The following MXD3 variants were observed in gnomAD, a reference collection of about 807,000 sequenced individuals.
MXD3 encodes MAX dimerization protein 3, also known as Max-associated protein 3.
MXD3 carries 20 observed loss-of-function variants against 27.5 expected under a neutral mutation model. That is an observed-to-expected ratio of 0.73 (90% CI 0.51 to 1.06). The LOEUF (loss-of-function observed/expected upper bound fraction) is 1.06, where lower values mean the gene tolerates loss of function less well. Ranked by LOEUF, MXD3 falls within the 50% of genes least tolerant of loss-of-function variation. MXD3 has a pLI of 0.00. For synonymous variants in MXD3, 150 were observed against 130.7 expected (o/e 1.15, Z -1.01); for missense variants, 298 against 291.3 (o/e 1.02, Z -0.17).
rs1561594372 is a variant in MXD3, at chr5:177,307,626, CCTGGCCGGCGACGAA to C, written c.568_582del (p.Phe190_Gln194del). On this transcript the variant is annotated inframe_deletion, in exon 6 of 6. Transcript: ENST00000439742. Reference sequence around the variant, plus strand: ...CCGCCGCCGTGCGAGTAGCTGTGCTCCTGGCCGGCGACGAAGCCCCGCAGCAGCTCGGCCTCACCC... The same window carrying C: ...CCGCCGCCGTGCGAGTAGCTGTGCTCGCCCCGCAGCAGCTCGGCCTCACCC... The C allele has an allele frequency of 6.2e-7, 1 of 1,613,274 alleles. No homozygotes were observed. Among genetic ancestry groups the C allele is most frequent in the East Asian group, 2.2e-5 (1 of 44,884 alleles).
chr5:177,307,203 C>T (rs1034752133), downstream of MXD3: 112 of 1,551,382 alleles, frequency 7.2e-5, no homozygotes, highest in Non-Finnish European at 9.1e-5. Flanking sequence ...AGACTATGGA[C>T]GGGAAGTTAT....
In MXD3 at chr5:177,310,476, C is replaced by A; in HGVS notation, c.271G>T (p.Ala91Ser). ...AGCAGGCTCAGCGTGGTGTACCGGG[C>A]ACAGTCGGCCCCCAGGGGCATCTGC... ...KQQMPLGADC[A>S]RYTTLSLLRR... The change falls in exon 4 of 6, where the codon GCC becomes TCC. Residue 91 changes from alanine (A) to serine (S), a missense_variant. Physicochemically the swap from Ala to Ser is moderately conservative, Grantham distance 99 (BLOSUM62 1). Coordinates refer to ENST00000439742, the MANE Select transcript of MXD3 (RefSeq NM_031300.4). 6.2e-7 allele frequency: 1 copy of A among 1,613,228 alleles called. No individual in the cohort carries two copies. Among genetic ancestry groups the A allele is most frequent in the Non-Finnish European group, 8.5e-7 (1 of 1,179,762 alleles).
chr5:177,311,848 G>T lies in MXD3; in HGVS notation c.-18C>A. ...GGTTCCATGTCGGCGACAGCTGGCG[G>T]CGGGCCGGCCTAGGGTGCCGGCCGG... On this transcript the variant is annotated 5_prime_UTR_variant, in exon 1 of 6. Coordinates refer to ENST00000439742, the MANE Select transcript of MXD3 (RefSeq NM_031300.4). 6.2e-7 allele frequency: 1 copy of T among 1,609,262 alleles called. No individual in the cohort carries two copies. The highest frequency in any genetic ancestry group is 8.5e-7 in the Non-Finnish European group (1 of 1,177,758).
chr5:177,305,992 G>T (rs778111990), downstream of MXD3: 6 of 1,612,756 alleles, frequency 3.7e-6, no homozygotes, highest in East Asian at 1.1e-4. Context: ...CAGGTGAGCA[G>T]TGTTGTTGGG....
At chr5:177,312,276 C>T, upstream of MXD3, 14 of 986,744 alleles carry the variant, frequency 1.4e-5, no homozygotes, top group Non-Finnish European at 1.7e-5. Context: ...CCAGCCGCTG[C>T]ACGTGGGTGC....
At position 177,307,921 on chromosome 5, in the gene MXD3, C is replaced by T. The variant is rs1460746452; in HGVS notation, c.365G>A (p.Arg122Lys). ...CAGGCTCTGCTGCTTGCTGCGCAGC[C>T]TCTCCTTGAGCTGTCGGGCCCGCTG... is the stretch of plus-strand genomic sequence containing the variant. ...QEQRARQLKE[R>K]LRSKQQSLQR... The change falls in exon 5 of 6, where the codon AGG becomes AAG. Residue 122 changes from arginine (R) to lysine (K), a missense_variant. Physicochemically the swap from Arg to Lys is conservative, Grantham distance 26 (BLOSUM62 2). Coordinates refer to ENST00000439742, the MANE Select transcript of MXD3 (RefSeq NM_031300.4). 1 of 1,593,204 alleles carries T rather than the reference C, an allele frequency of 6.3e-7. No homozygotes were observed. Among genetic ancestry groups the T allele is most frequent in the South Asian group, 1.1e-5 (1 of 88,622 alleles).
intron 4 of MXD3, among the ~76,000 whole-genome samples, 200 bp downstream of exon 4, chr5:177,310,226 G>A (rs938347680): frequency 6.6e-6 from 1 of 152,216 alleles, no homozygotes; most frequent in Non-Finnish European, 1.5e-5. Flanking sequence ...ACTCATTTAA[G>A]CCTCAACAAC....
chr5:177,307,434 AGGGTGTTT>A lies in MXD3; in HGVS notation c.*146_*153del. On this transcript the variant is annotated 3_prime_UTR_variant, in exon 6 of 6. Coordinates refer to ENST00000439742, the MANE Select transcript of MXD3 (RefSeq NM_031300.4). ...GAGGGCCTGCCTGGCAGCCAGCAGC[AGGGTGTTT>A]GGGGAGCACCTGTTCCCACACAAGG... The A allele has an allele frequency of 6.6e-7, 1 of 1,510,664 alleles. No homozygotes were observed. The highest frequency in any genetic ancestry group is 8.9e-7 in the Non-Finnish European group (1 of 1,119,998). The allele number at this position is 1,510,664 out of a possible 1,614,324, so 93.6% of individuals were successfully genotyped here. A position where few individuals can be genotyped will look rare whatever the true frequency, so the allele number is the denominator to read the frequency against.
chr5:177,311,747 G>A lies in MXD3; in HGVS notation c.70+14C>T. ...AGGTCGCCGCCCGGAATTCAGCCAAGGGTCCTTCCTCACCTCTCTCACGGC... is the reference window on the plus strand; with the variant it reads ...AGGTCGCCGCCCGGAATTCAGCCAAAGGTCCTTCCTCACCTCTCTCACGGC... On this transcript the variant is annotated intron_variant, in intron 1 of 5. Coordinates refer to ENST00000439742, the MANE Select transcript of MXD3 (RefSeq NM_031300.4). 6.2e-7 allele frequency: 1 copy of A among 1,611,870 alleles called. No homozygotes were observed. Among genetic ancestry groups the A allele is most frequent in the Non-Finnish European group, 8.5e-7 (1 of 1,179,108 alleles).
At chr5:177,306,048 C>G, downstream of MXD3, 1 of 1,600,554 alleles carries the variant, frequency 6.2e-7, no homozygotes. Flanking sequence ...TGGGGCTGGG[C>G]TGGGGTCAGT....
chr5:177,312,114 G>C, upstream of MXD3: 1 of 1,121,860 alleles, frequency 8.9e-7, no homozygotes, highest in Non-Finnish European at 1.1e-6. Context: ...CGAACCCTCA[G>C]GCTAACCGGT....
At chr5:177,305,609 G>T, downstream of MXD3, 2 of 487,230 alleles carry the variant, frequency 4.1e-6, no homozygotes, top group Non-Finnish European at 7.4e-6. Context: ...TCCAGGAGCA[G>T]GATGGGCTGG....
chr5:177,307,662 C>T lies in MXD3; in HGVS notation c.547G>A (p.Glu183Lys). 6.2e-7 allele frequency: 1 copy of T among 1,613,638 alleles called. No individual in the cohort carries two copies. Among genetic ancestry groups the T allele is most frequent in the Non-Finnish European group, 8.5e-7 (1 of 1,179,944 alleles). Residue 183 changes from glutamate (E) to lysine (K), a missense_variant, in exon 6 of 6, where the codon GAG becomes AAG. Coordinates refer to ENST00000439742, the MANE Select transcript of MXD3 (RefSeq NM_031300.4). Reference protein sequence around the residue: ...VDVESLVFGGEAELLRGFVAG... With the variant: ...VDVESLVFGGKAELLRGFVAG... The stretch of plus-strand genomic sequence containing the variant: ...ACGAAGCCCCGCAGCAGCTCGGCCT[C>T]ACCCCCAAACACCAGGCTCTCCACA...
downstream of MXD3, chr5:177,305,825 G>A: frequency 6.5e-7 from 1 of 1,536,354 alleles, no homozygotes; most frequent in Non-Finnish European, 9.0e-7. Context: ...TGTGCAAGTT[G>A]GCAAAATGAA....
chr5:177,306,390 T>TTC (rs760242167), downstream of MXD3: 1 of 1,613,510 alleles, frequency 6.2e-7, no homozygotes, highest in Non-Finnish European at 8.5e-7. Flanking sequence ...TTCAGGCATC[T>TTC]TCTAAAGGCA....
Position 177,310,546 on chromosome 5 carries a change from G to A in MXD3, c.207-6C>T. 6.2e-7 allele frequency: 1 copy of A among 1,611,296 alleles called. No individual in the cohort carries two copies. The highest frequency in any genetic ancestry group is 8.5e-7 in the Non-Finnish European group (1 of 1,178,728). ...ACCGCTTCAACTGGGCCCTCCTGTG[G>A]GGAAGAGGTCTGGAGGGCAGTGCCA... On this transcript the variant is annotated splice_polypyrimidine_tract_variant and splice_region_variant and intron_variant, in intron 3 of 5. Transcript: ENST00000439742.
chr5:177,306,050 G>C (rs749971136), downstream of MXD3: 1 of 1,599,150 alleles, frequency 6.3e-7, no homozygotes. Context: ...GGGCTGGGCT[G>C]GGGTCAGTGG....
upstream of MXD3, chr5:177,312,005 A>G (rs1164725013): frequency 2.4e-6 from 3 of 1,276,154 alleles, no homozygotes; most frequent in Non-Finnish European, 3.0e-6. Flanking sequence ...GGAACCCGCC[A>G]CGGAGCCGCA....
upstream of MXD3, chr5:177,311,973 CA>C: frequency 1.5e-6 from 2 of 1,320,054 alleles, no homozygotes; most frequent in South Asian, 1.5e-5. Context: ...CGGGAACGCC[CA>C]GCCCTTGGCT....
Sources: allele counts gnomAD v4.1 joint callset (sites outside exome capture counted in the v4.1 genomes callset), GRCh38; gene constraint gnomAD v4.1.1; transcripts MANE v1.5; gene names NCBI Gene and HGNC (gene_info 2026-07-23, HGNC 2026-07-21).